The following PRKAG2 variants were observed in gnomAD, a reference collection of about 807,000 sequenced individuals.
PRKAG2 encodes 5'-AMP-activated protein kinase subunit gamma-2.
PRKAG2 carries 26 observed loss-of-function variants against 69.6 expected under a neutral mutation model. The observed-to-expected ratio is 0.37, with a 90% CI of 0.27 to 0.52. PRKAG2 has a LOEUF of 0.52. PRKAG2 is among the 20% of genes least tolerant of loss of function. The pLI is 0.90. For missense variants in PRKAG2, 557 were observed against 740.0 expected, an observed-to-expected ratio of 0.75 and a Z score of 2.87; for synonymous variants, 293 against 285.0, an observed-to-expected ratio of 1.03 and a Z score of -0.28.
chr7:151,569,197 T>C (rs545949515), intron 10 of PRKAG2, among the ~76,000 whole-genome samples: 1 of 152,290 alleles, frequency 6.6e-6, no homozygotes, highest in Admixed American at 6.5e-5. Flanking sequence ...ACTACAGGCA[T>C]GCGCCACCTT....
intron 6 of PRKAG2, among the ~76,000 whole-genome samples, chr7:151,586,420 T>G (rs375349229): frequency 2.0e-5 from 3 of 152,232 alleles, no homozygotes; most frequent in Non-Finnish European, 4.4e-5. Flanking sequence ...CTCTGCTTTT[T>G]GAGAAATCTA....
At chr7:151,808,591 T>TG (rs2078242637) in intron 1 of PRKAG2, among the ~76,000 whole-genome samples, 5 of 86,148 alleles carry the variant, frequency 5.8e-5, no homozygotes, top group South Asian at 5.6e-4. Context: ...GTGCAGGTTG[T>TG]TGGGGGGGCT....
At chr7:151,643,642 T>C (rs1018408765) in intron 4 of PRKAG2, among the ~76,000 whole-genome samples, 1 of 152,250 alleles carries the variant, frequency 6.6e-6, no homozygotes, top group Non-Finnish European at 1.5e-5. Context: ...TTCTGGAGAC[T>C]TCAGTGGTCT....
intron 1 of PRKAG2, among the ~76,000 whole-genome samples, chr7:151,804,122 T>G (rs2077980302): frequency 6.6e-6 from 1 of 152,150 alleles, no homozygotes; most frequent in Non-Finnish European, 1.5e-5. Flanking sequence ...GTCTCTTATC[T>G]GTTTTGCTCG....
At chr7:151,587,906 T>C (rs928335508) in intron 6 of PRKAG2, among the ~76,000 whole-genome samples, 3 of 152,196 alleles carry the variant, frequency 2.0e-5, no homozygotes, top group African/African-American at 7.2e-5. Context: ...GGGACAAATA[T>C]AGACCACACT....
chr7:151,743,891 T>C (rs1480132361), intron 3 of PRKAG2, among the ~76,000 whole-genome samples: 1 of 152,190 alleles, frequency 6.6e-6, no homozygotes, highest in Non-Finnish European at 1.5e-5. Context: ...CGGGAGGCCA[T>C]GGCACTAGGT....
intron 3 of PRKAG2, among the ~76,000 whole-genome samples, chr7:151,708,658 G>A (rs1006436615): frequency 2.0e-5 from 3 of 152,190 alleles, no homozygotes; most frequent in Non-Finnish European, 4.4e-5. Context: ...GTCGTACCCC[G>A]TGTTAGCCAT....
chr7:151,800,765 CACG>C (rs386719484), intron 1 of PRKAG2, among the ~76,000 whole-genome samples: 14 of 152,356 alleles, frequency 9.2e-5, no homozygotes, highest in African/African-American at 3.4e-4. Context: ...ACATCACACA[CACG>C]ACATCACACA....
chr7:151,728,544 G>A (rs1456819283), intron 3 of PRKAG2, among the ~76,000 whole-genome samples: 1 of 152,190 alleles, frequency 6.6e-6, no homozygotes, highest in Admixed American at 6.5e-5. Flanking sequence ...TCACCGTCCA[G>A]AGTCACTATT....
intron 3 of PRKAG2, among the ~76,000 whole-genome samples, chr7:151,750,145 G>C (rs1204712948): frequency 6.7e-6 from 1 of 148,796 alleles, no homozygotes; most frequent in African/African-American, 2.5e-5. Flanking sequence ...AGGATATGGA[G>C]AAACTGGAAC....
rs1796773297 is a variant in PRKAG2 at position 151,719,910 on chromosome 7, G to C, written c.467-44273C>G. Among the ~76,000 whole-genome samples, 1 of 152,156 alleles carries C rather than the reference G, an allele frequency of 6.6e-6. No individual in the cohort carries two copies. Among genetic ancestry groups the C allele is most frequent in the Non-Finnish European group, 1.5e-5 (1 of 68,048 alleles). ...TCACTGAGGCCGCCACATTCAATCT[G>C]CACCTTCCCATGGAACTCTCCCAAT... On this transcript the variant is annotated intron_variant, in intron 3 of 15. Coordinates refer to ENST00000287878, the MANE Select transcript of PRKAG2 (RefSeq NM_016203.4). The surrounding 1 kb of genome is among the most constrained non-coding windows in gnomAD (Gnocchi z 5.2).
At chr7:151,663,475 A>G (rs1486163980) in intron 4 of PRKAG2, among the ~76,000 whole-genome samples, 1 of 152,040 alleles carries the variant, frequency 6.6e-6, no homozygotes, top group Admixed American at 6.5e-5. Flanking sequence ...TGATTCTCCC[A>G]CCTCAGCCTC....
chr7:151,648,683 A>G (rs1214941278), intron 4 of PRKAG2, among the ~76,000 whole-genome samples: 2 of 152,178 alleles, frequency 1.3e-5, no homozygotes, highest in African/African-American at 4.8e-5. Flanking sequence ...CATGAAATCA[A>G]TTATGAGTCA....
chr7:151,854,541 G>T (rs1430893911), intron 1 of PRKAG2, among the ~76,000 whole-genome samples: 1 of 152,258 alleles, frequency 6.6e-6, no homozygotes, highest in African/African-American at 2.4e-5. Context: ...GACATCCCTG[G>T]CAAGGGCCAG....
At chr7:151,712,570 C>A (rs957317626) in intron 3 of PRKAG2, among the ~76,000 whole-genome samples, 2 of 152,242 alleles carry the variant, frequency 1.3e-5, no homozygotes, top group Non-Finnish European at 2.9e-5. Context: ...AGAGCCAAGC[C>A]CAGGGATGGG....
intron 5 of PRKAG2, among the ~76,000 whole-genome samples, chr7:151,631,256 TA>T (rs1232099175): frequency 6.6e-6 from 1 of 152,222 alleles, no homozygotes; most frequent in African/African-American, 2.4e-5. Context: ...TCAAGCATCT[TA>T]TATAAAGTTC....
intron 3 of PRKAG2, among the ~76,000 whole-genome samples, chr7:151,762,399 T>C (rs971305769): frequency 6.6e-6 from 1 of 152,054 alleles, no homozygotes; most frequent in Non-Finnish European, 1.5e-5. Flanking sequence ...ATACGACGTA[T>C]ACGTAAGCTT....
chr7:151,633,665 A>G (rs1468428084), intron 4 of PRKAG2, among the ~76,000 whole-genome samples: 2 of 152,132 alleles, frequency 1.3e-5, no homozygotes, highest in Non-Finnish European at 2.9e-5. Flanking sequence ...AATCACTTCA[A>G]AGAAAATTAA....
intron 1 of PRKAG2, among the ~76,000 whole-genome samples, chr7:151,867,328 G>C (rs961242770): frequency 6.6e-6 from 1 of 152,208 alleles, no homozygotes; most frequent in Non-Finnish European, 1.5e-5. Context: ...CATTGCTCTA[G>C]AGGCCAGAGG....
Sources: gnomAD v4.1 joint callset for allele counts (sites outside exome capture counted in the v4.1 genomes callset) on GRCh38, gnomAD v4.1.1 for gene constraint, Gnocchi (gnomAD v3.1) non-coding constraint, MANE v1.5 for transcripts, NCBI Gene and HGNC (gene_info 2026-07-23, HGNC 2026-07-21) for gene names.